CDCP2: variants seen among roughly 807,000 people sequenced by gnomAD.
CDCP2 encodes CUB domain-containing protein 2.
CDCP2 carries 31 observed loss-of-function variants against 31.0 expected under a neutral mutation model. The ratio of observed to expected loss-of-function variants is 1.00; its 90% CI spans 0.75 to 1.35. The LOEUF is 1.35. Ranked by LOEUF, CDCP2 falls within the 40% of genes most tolerant of loss-of-function variation. The pLI is 0.00. For synonymous variants in CDCP2, 206 were observed against 207.9 expected (o/e 0.99, Z 0.08); for missense variants, 443 against 482.6 (o/e 0.92, Z 0.77).
At chr1:54,147,948 G>A (rs1197208739) in intron 1 of CDCP2, among the ~76,000 whole-genome samples, 1 of 148,884 alleles carries the variant, frequency 6.7e-6, no homozygotes, top group East Asian at 2.0e-4. Flanking sequence ...GGAGGTCAAG[G>A]CTACAGTGAC....
intron 2 of CDCP2, chr1:54,143,443 T>C (rs1387855088): frequency 1.8e-5 from 1 of 56,664 alleles, no homozygotes; most frequent in South Asian, 6.2e-4. Context: ...TTTTTAAATA[T>C]AGGGGATTAA....
Position 54,139,891 on chromosome 1 carries a change from C to T in CDCP2, c.979G>A (p.Glu327Lys), listed in dbSNP as rs557044023. 33 of 1,614,008 alleles carry T rather than the reference C, an allele frequency of 2.0e-5. No homozygotes were observed. In the Admixed American group the frequency reaches 2.5e-4, roughly 12 times the overall value. Residue 327 changes from glutamate to lysine, a missense_variant, in exon 4 of 6, where the codon GAG becomes AAG. Coordinates refer to ENST00000530059, the Ensembl canonical transcript of CDCP2. ...CAATTCCCCAGCAGGGGTGCCTCCT[C>T]GCTGGCCCCATCGAAGGCCGCCAGA...
intron 4 of CDCP2, chr1:54,137,663 A>ACGTGTGTGTG (rs1659279137): frequency 6.9e-6 from 1 of 144,854 alleles, no homozygotes; most frequent in South Asian, 2.2e-4. Context: ...TTGGGTGAGC[A>ACGTGTGTGTG]TGTGTGTGTG....
chr1:54,133,234 G>T (rs138274681), exon 6 of CDCP2: 1 of 398,994 alleles, frequency 2.5e-6, no homozygotes, highest in Admixed American at 4.4e-5. Flanking sequence ...ATGTCCTCCC[G>T]CCCCGCGGCT....
intron 5 of CDCP2, among the ~76,000 whole-genome samples, chr1:54,134,791 A>T (rs1233577503): frequency 6.6e-6 from 1 of 151,442 alleles, no homozygotes; most frequent in African/African-American, 2.4e-5. Flanking sequence ...GCTGGAGTGT[A>T]GTGGCATGAT....
Sources: gnomAD v4.1 joint callset for allele counts (sites outside exome capture counted in the v4.1 genomes callset) on GRCh38, gnomAD v4.1.1 for gene constraint, MANE v1.5 for transcripts, NCBI Gene and HGNC (gene_info 2026-07-23, HGNC 2026-07-21) for gene names.